The following ZBTB7C variants were observed in gnomAD, a reference collection of about 807,000 sequenced individuals.
ZBTB7C encodes the protein zinc finger and BTB domain containing 7C.
Under a neutral mutation model 25.7 loss-of-function variants are expected in ZBTB7C, and 8 were observed. The observed-to-expected ratio is 0.31, with a 90% CI of 0.18 to 0.56. ZBTB7C has a LOEUF of 0.56. Among genes scored for constraint, ZBTB7C ranks in the 20% least tolerant of loss-of-function variants. ZBTB7C has a pLI of 0.91. For synonymous variants in ZBTB7C, 394 were observed against 369.0 expected (o/e 1.07, Z -0.78); for missense variants, 824 against 855.2 (o/e 0.96, Z 0.46).
intron 2 of ZBTB7C, among the ~76,000 whole-genome samples, chr18:48,189,987 G>C (rs1240797030): frequency 6.6e-6 from 1 of 152,178 alleles, no homozygotes; most frequent in Non-Finnish European, 1.5e-5. Context: ...GAGTGGAGTG[G>C]AGGGGCTCTG....
intron 3 of ZBTB7C, chr18:48,162,353 G>A: frequency 2.2e-6 from 1 of 456,528 alleles, no homozygotes; most frequent in South Asian, 1.5e-5. Flanking sequence ...CCTACCTGCT[G>A]GGTGACCTTG....
At chr18:48,140,289 G>A (rs554169854) in intron 3 of ZBTB7C, among the ~76,000 whole-genome samples, 1 of 152,370 alleles carries the variant, frequency 6.6e-6, no homozygotes, top group East Asian at 1.9e-4. Context: ...GCAGACACAT[G>A]TATGAGCTCT....
chr18:48,373,420 T>C (rs968183021), intron 1 of ZBTB7C, among the ~76,000 whole-genome samples: 1 of 152,168 alleles, frequency 6.6e-6, no homozygotes, highest in African/African-American at 2.4e-5. Context: ...CATAAGCCAA[T>C]TAAACCTCTT....
chr18:48,243,781 A>C (rs1289436461), intron 2 of ZBTB7C, among the ~76,000 whole-genome samples: 1 of 152,236 alleles, frequency 6.6e-6, no homozygotes, highest in Non-Finnish European at 1.5e-5. Context: ...ACTGTACTAT[A>C]AGGTCATAGT....
chr18:48,282,961 A>G (rs551969113), intron 2 of ZBTB7C, among the ~76,000 whole-genome samples: 30 of 152,186 alleles, frequency 2.0e-4, no homozygotes, highest in Non-Finnish European at 3.8e-4. Context: ...GTGAAAATTC[A>G]TTGAACAATA....
chr18:48,311,723 C>A (rs2144797271), intron 2 of ZBTB7C, among the ~76,000 whole-genome samples: 1 of 152,270 alleles, frequency 6.6e-6, no homozygotes, highest in South Asian at 2.1e-4. Context: ...GTCCTAGGAC[C>A]ATTGGGGGTC....
At chr18:48,323,677 C>T (rs551993125) in intron 2 of ZBTB7C, among the ~76,000 whole-genome samples, 1 of 152,292 alleles carries the variant, frequency 6.6e-6, no homozygotes, top group Admixed American at 6.5e-5. Context: ...ACACAGCTTG[C>T]TCATACCTTC....
Position 48,211,982 on chromosome 18 carries a change from T to C in ZBTB7C, c.-78-25987A>G, listed in dbSNP as rs146142136. 2.5e-3 allele frequency among the ~76,000 whole-genome samples: 378 copies of C among 152,262 alleles called. 2 individuals carry two copies. The highest frequency in any genetic ancestry group is 8.9e-3 in the African/African-American group (369 of 41,504). Reference sequence around the variant, plus strand: ...GAATGGATAAATAAACCATGGTACATAGAGACATGCTAAAAAGACATGAGC... The same window carrying C: ...GAATGGATAAATAAACCATGGTACACAGAGACATGCTAAAAAGACATGAGC... On this transcript the variant is annotated intron_variant, in intron 2 of 4. Transcript: ENST00000590800.
intron 3 of ZBTB7C, among the ~76,000 whole-genome samples, chr18:48,141,146 A>ACCC (rs1377082699): frequency 7.3e-5 from 6 of 81,648 alleles, no homozygotes; most frequent in Non-Finnish European, 1.3e-4. Context: ...CCCCCGCACC[A>ACCC]CCCCCCCCAC....
At chr18:48,136,407 A>T (rs912214737) in intron 3 of ZBTB7C, among the ~76,000 whole-genome samples, 3 of 152,130 alleles carry the variant, frequency 2.0e-5, no homozygotes, top group Non-Finnish European at 4.4e-5. Context: ...GGGACCTGAC[A>T]GGGCTCCCGC....
At chr18:48,082,242 C>T (rs1044565362) in intron 3 of ZBTB7C, among the ~76,000 whole-genome samples, 2 of 152,194 alleles carry the variant, frequency 1.3e-5, no homozygotes, top group African/African-American at 4.8e-5. Flanking sequence ...TGAGCCTTAT[C>T]ATAGGGCAAC....
chr18:48,300,616 G>A (rs1057352369), intron 2 of ZBTB7C, among the ~76,000 whole-genome samples: 9 of 152,194 alleles, frequency 5.9e-5, no homozygotes, highest in Admixed American at 5.2e-4. Flanking sequence ...CCAGGAGGAG[G>A]TGCAAGTGAC....
chr18:48,406,930 C>A (rs1314125866), intron 1 of ZBTB7C, among the ~76,000 whole-genome samples: 1 of 152,206 alleles, frequency 6.6e-6, no homozygotes, highest in African/African-American at 2.4e-5. Context: ...TCAATTCCTT[C>A]CTGCTCATAC....
At chr18:48,048,345 A>G (rs1267711417) in intron 3 of ZBTB7C, among the ~76,000 whole-genome samples, 1 of 152,176 alleles carries the variant, frequency 6.6e-6, no homozygotes, top group East Asian at 1.9e-4. Context: ...AGAGCTTTAA[A>G]TCCCTTCTGA....
chr18:48,185,833 A>G (rs1208154162), intron 3 of ZBTB7C, 101 bp downstream of exon 3: 1 of 152,238 alleles, frequency 6.6e-6, no homozygotes, highest in Admixed American at 6.5e-5. Context: ...CCAAAAGCCA[A>G]TCCCATCCAG....
chr18:48,214,278 A>G (rs2042772369), intron 2 of ZBTB7C, among the ~76,000 whole-genome samples: 1 of 152,206 alleles, frequency 6.6e-6, no homozygotes, highest in East Asian at 1.9e-4. Flanking sequence ...ACTGTCTCCA[A>G]TAAACATAAA....
chr18:48,270,253 CTTT>C lies in ZBTB7C; in HGVS notation c.-79+67918_-79+67920del, dbSNP rs760096959. ...TAAACCTAGTTCTTTTTCTCTCTTT[CTTT>C]TTTTTTTTTTTTTTTTTTTTGAGAT... On this transcript the variant is annotated intron_variant, in intron 2 of 4. Transcript: ENST00000590800. 1.9e-4 allele frequency among the ~76,000 whole-genome samples: 19 copies of C among 98,776 alleles called. 1 individual carries two copies. The South Asian group carries it at 2.0e-3, about 10-fold the overall frequency. The allele number at this position is 98,776 out of a possible 152,430, so 64.8% of individuals were successfully genotyped here. A position where few individuals can be genotyped will look rare whatever the true frequency, so the allele number is the denominator to read the frequency against.
At chr18:48,300,666 C>T (rs527259241) in intron 2 of ZBTB7C, among the ~76,000 whole-genome samples, 4 of 152,272 alleles carry the variant, frequency 2.6e-5, no homozygotes, top group South Asian at 4.2e-4. Context: ...AAAAAAAATG[C>T]CGGGAAGAAA....
chr18:48,274,600 C>A (rs559235235), intron 2 of ZBTB7C, among the ~76,000 whole-genome samples: 1 of 152,316 alleles, frequency 6.6e-6, no homozygotes, highest in Admixed American at 6.5e-5. Context: ...TAGCTCAATC[C>A]AGAAACATGT....
Sources: gnomAD v4.1 joint callset for allele counts (sites outside exome capture counted in the v4.1 genomes callset) on GRCh38, gnomAD v4.1.1 for gene constraint, MANE v1.5 for transcripts, NCBI Gene and HGNC (gene_info 2026-07-23, HGNC 2026-07-21) for gene names.